RNLS: variants seen among roughly 807,000 people sequenced by gnomAD.
RNLS encodes the protein renalase, FAD dependent amine oxidase.
Under a neutral mutation model 39.8 loss-of-function variants are expected in RNLS, and 39 were observed. The observed-to-expected ratio is 0.98, with a 90% CI of 0.76 to 1.28. The LOEUF (loss-of-function observed/expected upper bound fraction) is 1.28. Ranked by LOEUF, RNLS falls within the 50% of genes most tolerant of loss-of-function variation. The probability of loss-of-function intolerance (pLI) is 0.00; values close to 1 mark genes in which losing one functional copy is unlikely to be tolerated. For synonymous variants in RNLS, 147 were observed against 150.7 expected, an observed-to-expected ratio of 0.98 and a Z score of 0.18; for missense variants, 410 against 413.3, an observed-to-expected ratio of 0.99 and a Z score of 0.07.
intron 4 of RNLS, among the ~76,000 whole-genome samples, chr10:88,407,220 C>T (rs2133678977): frequency 6.6e-6 from 1 of 152,126 alleles, no homozygotes; most frequent in South Asian, 2.1e-4. Context: ...ACATCAAAAA[C>T]TTCTCAAACT....
intron 4 of RNLS, among the ~76,000 whole-genome samples, chr10:88,536,354 A>C (rs1413361161): frequency 6.6e-6 from 1 of 152,204 alleles, no homozygotes; most frequent in African/African-American, 2.4e-5. Flanking sequence ...GCAAGCAATC[A>C]TAATTTCTCG....
chr10:88,447,880 C>A (rs1842134731), intron 4 of RNLS, among the ~76,000 whole-genome samples: 1 of 152,264 alleles, frequency 6.6e-6, no homozygotes, highest in South Asian at 2.1e-4. Context: ...TGATCTTTGA[C>A]AAACCTGACA....
chr10:88,350,631 T>C (rs946208243), intron 5 of RNLS, among the ~76,000 whole-genome samples: 1 of 152,228 alleles, frequency 6.6e-6, no homozygotes, highest in Non-Finnish European at 1.5e-5. Flanking sequence ...CAGTCTATCA[T>C]TGTTGGACAT....
intron 4 of RNLS, among the ~76,000 whole-genome samples, chr10:88,485,769 C>T (rs1425023729): frequency 6.6e-6 from 1 of 150,978 alleles, no homozygotes; most frequent in African/African-American, 2.4e-5. Context: ...GTGAGAATAA[C>T]TTGTATCTAA....
chr10:88,275,631 C>A (rs2132587662), intron 6 of RNLS, among the ~76,000 whole-genome samples: 1 of 152,148 alleles, frequency 6.6e-6, no homozygotes, highest in South Asian at 2.1e-4. Flanking sequence ...AAAAATACAA[C>A]CCTGGGGGAA....
chr10:88,319,572 C>CA (rs1236366087), intron 5 of RNLS, among the ~76,000 whole-genome samples: 12 of 150,588 alleles, frequency 8.0e-5, no homozygotes, highest in Non-Finnish European at 1.3e-4. Context: ...ACAGCTATGT[C>CA]AAAAAAAGAA....
chr10:88,302,463 G>A (rs1045093145), intron 6 of RNLS, among the ~76,000 whole-genome samples: 1 of 152,148 alleles, frequency 6.6e-6, no homozygotes, highest in African/African-American at 2.4e-5. Context: ...ATTCAAAATT[G>A]CTATTAAAAT....
At chr10:88,414,818 T>A (rs916530820) in intron 4 of RNLS, among the ~76,000 whole-genome samples, 18 of 152,202 alleles carry the variant, frequency 1.2e-4, no homozygotes, top group Admixed American at 1.3e-4. Context: ...TTCACCAGAT[T>A]GATTCTGTGC....
the RNLS span, among the ~76,000 whole-genome samples, chr10:88,201,115 C>T: frequency 6.6e-6 from 1 of 151,980 alleles, no homozygotes; most frequent in East Asian, 1.9e-4. Flanking sequence ...AGAGCAGAGG[C>T]CATAGACCAG....
At chr10:88,545,599 C>T (rs1564887820) in intron 4 of RNLS, 1 of 386,948 alleles carries the variant, frequency 2.6e-6, no homozygotes. Context: ...CCTCCCATGA[C>T]ACGTGGGGAT....
chr10:88,502,286 T>C (rs570250377), intron 4 of RNLS, among the ~76,000 whole-genome samples: 2 of 110,706 alleles, frequency 1.8e-5, no homozygotes, highest in African/African-American at 7.0e-5. Flanking sequence ...GGAGGCCCTT[T>C]AGCAGAGGTG....
intron 4 of RNLS, among the ~76,000 whole-genome samples, chr10:88,454,838 AT>A (rs2133910786): frequency 6.6e-6 from 1 of 152,288 alleles, no homozygotes; most frequent in South Asian, 2.1e-4. Flanking sequence ...AGAATAGATG[AT>A]TCCTGCCTAT....
At chr10:88,403,822 C>A (rs1289920430) in intron 4 of RNLS, among the ~76,000 whole-genome samples, 2 of 151,704 alleles carry the variant, frequency 1.3e-5, no homozygotes, top group Admixed American at 6.6e-5. Context: ...ATCACTTGAG[C>A]TCAGGAGTTT....
At chr10:88,199,123 A>C in the RNLS span, among the ~76,000 whole-genome samples, 1 of 152,144 alleles carries the variant, frequency 6.6e-6, no homozygotes, top group African/African-American at 2.4e-5. Flanking sequence ...TTCTGCCCCC[A>C]GTGAAAGGTG....
At chr10:88,524,960 C>CACACAT (rs1390204991) in intron 4 of RNLS, among the ~76,000 whole-genome samples, 36 of 88,964 alleles carry the variant, frequency 4.0e-4, no homozygotes, top group African/African-American at 1.1e-3. Flanking sequence ...CACACACATA[C>CACACAT]ATATATATAT....
the RNLS span, among the ~76,000 whole-genome samples, chr10:88,197,235 C>T: frequency 3.3e-5 from 5 of 152,134 alleles, no homozygotes; most frequent in Non-Finnish European, 1.5e-5. Context: ...GTGTTCAGCA[C>T]ATAGTAAGTG....
intron 4 of RNLS, among the ~76,000 whole-genome samples, chr10:88,490,244 G>A (rs1007106277): frequency 5.3e-5 from 8 of 152,104 alleles, no homozygotes; most frequent in African/African-American, 1.9e-4. Flanking sequence ...TTTGTAATAC[G>A]TGATTTATAA....
At chr10:88,434,605 AC>A (rs1286074897) in intron 4 of RNLS, among the ~76,000 whole-genome samples, 8 of 152,160 alleles carry the variant, frequency 5.3e-5, no homozygotes. Context: ...ATGGTATTAT[AC>A]CTTACAGGTA....
the RNLS span, among the ~76,000 whole-genome samples, chr10:88,207,682 A>G: frequency 1.3e-5 from 2 of 152,174 alleles, no homozygotes; most frequent in Non-Finnish European, 2.9e-5. Context: ...CCAACATGAT[A>G]GTCAGTCAAT....
Sources: allele counts gnomAD v4.1 joint callset (sites outside exome capture counted in the v4.1 genomes callset), GRCh38; gene constraint gnomAD v4.1.1; transcripts MANE v1.5; gene names NCBI Gene and HGNC (gene_info 2026-07-23, HGNC 2026-07-21).